The following CEP112 variants were observed in gnomAD, a reference collection of about 807,000 sequenced individuals.
CEP112 encodes centrosomal protein of 112 kDa.
In CEP112, 127 loss-of-function variants were observed where a neutral mutation model predicts 153.0. That is an observed-to-expected ratio of 0.83 (90% CI 0.72 to 0.96). The LOEUF (loss-of-function observed/expected upper bound fraction) is 0.96, where lower values mean the gene tolerates loss of function less well. CEP112 is among the 40% of genes least tolerant of loss of function. The probability of loss-of-function intolerance (pLI) is 0.00; values close to 1 mark genes in which losing one functional copy is unlikely to be tolerated. For synonymous variants in CEP112, 358 were observed against 374.4 expected, an observed-to-expected ratio of 0.96 and a Z score of 0.51; for missense variants, 1,089 against 1,101.2, an observed-to-expected ratio of 0.99 and a Z score of 0.16.
At chr17:66,094,750 C>T (rs943307146) in intron 8 of CEP112, among the ~76,000 whole-genome samples, 3 of 152,110 alleles carry the variant, frequency 2.0e-5, no homozygotes, top group African/African-American at 7.2e-5. Flanking sequence ...AGCCATATAT[C>T]TAATAAGGGG....
chr17:66,142,095 CAT>C (rs2070726594), intron 4 of CEP112, among the ~76,000 whole-genome samples: 1 of 152,098 alleles, frequency 6.6e-6, no homozygotes, highest in African/African-American at 2.4e-5. Context: ...AGTGATAGCT[CAT>C]GTGGTTTTGA....
chr17:66,156,233 C>T (rs1178815014), intron 4 of CEP112, among the ~76,000 whole-genome samples: 1 of 152,188 alleles, frequency 6.6e-6, no homozygotes. Context: ...TGGCGATACC[C>T]AGGCAAACAG....
intron 17 of CEP112, among the ~76,000 whole-genome samples, chr17:66,000,429 C>T (rs575162563): frequency 7.7e-5 from 11 of 143,756 alleles, no homozygotes; most frequent in East Asian, 2.1e-4. Context: ...AATGTCTGGG[C>T]GGGGTGAGGC....
intron 21 of CEP112, among the ~76,000 whole-genome samples, chr17:65,807,960 A>G (rs904901750): frequency 4.6e-5 from 7 of 152,234 alleles, no homozygotes; most frequent in African/African-American, 1.4e-4. Context: ...CCGGAATGCT[A>G]GTTCCACTGA....
chr17:65,916,090 TAG>T (rs1443894750), intron 19 of CEP112, among the ~76,000 whole-genome samples: 13 of 152,332 alleles, frequency 8.5e-5, no homozygotes, highest in African/African-American at 3.1e-4. Flanking sequence ...ATCATTTCAG[TAG>T]AGTCCTTCAC....
At chr17:66,133,021 A>G (rs556915164) in intron 4 of CEP112, among the ~76,000 whole-genome samples, 4 of 152,156 alleles carry the variant, frequency 2.6e-5, no homozygotes, top group East Asian at 3.9e-4. Flanking sequence ...CCTGGGAGAC[A>G]GTGCGAGACT....
At chr17:65,748,090 T>C (rs1333836973) in intron 22 of CEP112, among the ~76,000 whole-genome samples, 1 of 152,216 alleles carries the variant, frequency 6.6e-6, no homozygotes, top group Non-Finnish European at 1.5e-5. Context: ...TGTTTTATAA[T>C]GCTCATTTTT....
At chr17:65,715,119 G>C (rs534772965) in intron 23 of CEP112, among the ~76,000 whole-genome samples, 1 of 152,284 alleles carries the variant, frequency 6.6e-6, no homozygotes, top group South Asian at 2.1e-4. Context: ...CTCATGTGAT[G>C]TAGGAAGAGA....
At chr17:66,162,368 C>T (rs567265631) in intron 4 of CEP112, among the ~76,000 whole-genome samples, 2 of 152,256 alleles carry the variant, frequency 1.3e-5, no homozygotes, top group East Asian at 1.9e-4. Flanking sequence ...TTCAATCTTG[C>T]TAGTGGAAAT....
intron 21 of CEP112, among the ~76,000 whole-genome samples, chr17:65,800,097 T>C (rs1450060031): frequency 6.6e-6 from 1 of 152,154 alleles, no homozygotes; most frequent in Non-Finnish European, 1.5e-5. Context: ...TGCCTTTTCT[T>C]CCATAGCCAT....
chr17:66,164,016 T>C (rs1039409622), intron 4 of CEP112, among the ~76,000 whole-genome samples: 1 of 152,232 alleles, frequency 6.6e-6, no homozygotes, highest in African/African-American at 2.4e-5. Flanking sequence ...TTTTCAAAGC[T>C]GCTCCATCCC....
At position 66,192,095 on chromosome 17, in the gene CEP112, G is replaced by C. The variant is rs1331403924; in HGVS notation, c.-107C>G. 2 of 153,150 alleles carry C rather than the reference G, an allele frequency of 1.3e-5. No individual in the cohort carries two copies. The highest frequency in any genetic ancestry group is 2.9e-5 in the Non-Finnish European group (2 of 68,210). 9.5% of individuals were successfully genotyped at this position (153,150 alleles called of 1,614,324 possible). A position where few individuals can be genotyped will look rare whatever the true frequency, so the allele number is the denominator to read the frequency against. On this transcript the variant is annotated 5_prime_UTR_variant, in exon 1 of 27. Transcript: ENST00000535342. The stretch of plus-strand genomic sequence containing the variant: ...CGGTTTCAAATCCTTGCGGGCCGCT[G>C]GGTCGCCGCCGCCCAGCAGCCCGGG...
intron 12 of CEP112, among the ~76,000 whole-genome samples, chr17:66,053,298 G>A (rs1289978459): frequency 6.7e-6 from 1 of 150,266 alleles, no homozygotes; most frequent in African/African-American, 2.4e-5. Flanking sequence ...TCAGGAGTTC[G>A]AGACCAGCCT....
At chr17:65,846,669 C>G (rs930412300) in intron 21 of CEP112, among the ~76,000 whole-genome samples, 2 of 152,140 alleles carry the variant, frequency 1.3e-5, no homozygotes, top group Non-Finnish European at 2.9e-5. Context: ...CCCGGGTTCA[C>G]GCCATTCTCT....
intron 2 of CEP112, among the ~76,000 whole-genome samples, chr17:66,177,992 T>C (rs189212580): frequency 6.6e-6 from 1 of 152,326 alleles, no homozygotes; most frequent in East Asian, 1.9e-4. Flanking sequence ...CTTCCAAATC[T>C]TGGCTATTGT....
At chr17:66,048,332 T>C (rs2066300650) in intron 12 of CEP112, among the ~76,000 whole-genome samples, 1 of 152,114 alleles carries the variant, frequency 6.6e-6, no homozygotes, top group Non-Finnish European at 1.5e-5. Flanking sequence ...TTATCCAATG[T>C]TCACATATAT....
chr17:65,946,278 A>C (rs1381097313), intron 18 of CEP112, among the ~76,000 whole-genome samples: 2 of 152,218 alleles, frequency 1.3e-5, no homozygotes, highest in Non-Finnish European at 2.9e-5. Context: ...ATGTTCCTAC[A>C]TCTTCGTTTG....
chr17:66,147,956 T>G (rs1335502546), intron 4 of CEP112, among the ~76,000 whole-genome samples: 1 of 152,304 alleles, frequency 6.6e-6, no homozygotes, highest in Non-Finnish European at 1.5e-5. Context: ...CCAACTTCGT[T>G]TTTTTTCTAA....
chr17:65,870,218 G>GA (rs2058629807), intron 20 of CEP112, among the ~76,000 whole-genome samples: 1 of 152,054 alleles, frequency 6.6e-6, no homozygotes, highest in Non-Finnish European at 1.5e-5. Flanking sequence ...GGCTACATTT[G>GA]TTTTTTTGTG....
Sources: allele counts gnomAD v4.1 joint callset (sites outside exome capture counted in the v4.1 genomes callset), GRCh38; gene constraint gnomAD v4.1.1; transcripts MANE v1.5; gene names NCBI Gene and HGNC (gene_info 2026-07-23, HGNC 2026-07-21).